DSE: variants seen among roughly 807,000 people sequenced by gnomAD.
The protein encoded by DSE is dermatan sulfate epimerase.
Under a neutral mutation model 84.4 loss-of-function variants are expected in DSE, and 36 were observed. The ratio of observed to expected loss-of-function variants is 0.43; its 90% confidence interval spans 0.33 to 0.56. The LOEUF (loss-of-function observed/expected upper bound fraction) is 0.56, where lower values mean the gene tolerates loss of function less well. Among genes scored for constraint, DSE ranks in the 20% least tolerant of loss-of-function variants. The pLI is 0.06. For missense variants in DSE, 862 were observed against 1,169.6 expected (o/e 0.74, Z 3.84); for synonymous variants, 410 against 430.1 (o/e 0.95, Z 0.58).
intron 2 of DSE, among the ~76,000 whole-genome samples, chr6:116,327,964 A>AT: frequency 6.6e-6 from 1 of 152,338 alleles, no homozygotes; most frequent in Non-Finnish European, 1.5e-5. Context: ...AGAGGAGCAC[A>AT]TCAAAGCCAA....
intron 2 of DSE, among the ~76,000 whole-genome samples, chr6:116,307,176 T>C (rs1209039495): frequency 6.6e-6 from 1 of 152,228 alleles, no homozygotes; most frequent in Non-Finnish European, 1.5e-5. Context: ...CCTAACTCAC[T>C]GCCTGACCCA....
At chr6:116,262,458 G>A (rs189471378) in intron 2 of DSE, among the ~76,000 whole-genome samples, 200 of 152,204 alleles carry the variant, frequency 1.3e-3, no homozygotes, top group African/African-American at 4.4e-3. Context: ...AGGATCAGTG[G>A]TAATATCCTC....
At chr6:116,394,106 T>C (rs1048871070) in intron 1 of DSE, among the ~76,000 whole-genome samples, 4 of 152,228 alleles carry the variant, frequency 2.6e-5, no homozygotes, top group African/African-American at 9.7e-5. Flanking sequence ...TCTAGTTCTT[T>C]CTCTGAAATT....
Position 116,304,146 on chromosome 6 carries a change from A to G in DSE, c.-54+45179A>G, listed in dbSNP as rs528793291. Among the ~76,000 whole-genome samples, 10 of 152,088 alleles carry G rather than the reference A, an allele frequency of 6.6e-5. No individual in the cohort carries two copies. The East Asian group carries it at 1.9e-3, about 29-fold the overall frequency. ...TCAAAAAAAAAAAAAAAGAAAGAAA[A>G]AAACAGAAACAGTGGGTCAGAGGAG... is the stretch of plus-strand genomic sequence containing the variant. On this transcript the variant is annotated intron_variant, in intron 2 of 3. Transcript: ENST00000430252.
At chr6:116,343,510 C>T (rs1262376426) in intron 2 of DSE, among the ~76,000 whole-genome samples, 4 of 152,222 alleles carry the variant, frequency 2.6e-5, no homozygotes, top group Non-Finnish European at 4.4e-5. Flanking sequence ...CTGCAGCATC[C>T]ACTGGTGATA....
chr6:116,428,200 T>G (rs935139969), intron 3 of DSE, among the ~76,000 whole-genome samples: 2 of 151,608 alleles, frequency 1.3e-5, no homozygotes, highest in African/African-American at 4.9e-5. Context: ...AAGAAATAAA[T>G]AAATAAAATA....
chr6:116,269,482 A>T (rs1270552647), intron 2 of DSE, among the ~76,000 whole-genome samples: 1 of 152,196 alleles, frequency 6.6e-6, no homozygotes, highest in Non-Finnish European at 1.5e-5. Context: ...ATCCATGTAA[A>T]ATAAGTGAAA....
At chr6:116,425,260 G>A (rs1013485870) in intron 2 of DSE, among the ~76,000 whole-genome samples, 2 of 151,846 alleles carry the variant, frequency 1.3e-5, no homozygotes, top group East Asian at 1.9e-4. Context: ...TATGTCTTAC[G>A]AATTTTAAAA....
At chr6:116,413,055 G>A (rs1053593531) in intron 2 of DSE, among the ~76,000 whole-genome samples, 2 of 152,108 alleles carry the variant, frequency 1.3e-5, no homozygotes, top group Admixed American at 6.6e-5. Context: ...TGCCTGCCTA[G>A]TATTCCATAA....
chr6:116,318,226 G>A (rs1388751723), intron 2 of DSE, among the ~76,000 whole-genome samples: 1 of 152,164 alleles, frequency 6.6e-6, no homozygotes, highest in Non-Finnish European at 1.5e-5. Context: ...AAAAGTAGGG[G>A]CCAGTCGTGG....
At chr6:116,307,403 G>C (rs779513574) in intron 2 of DSE, among the ~76,000 whole-genome samples, 1 of 152,202 alleles carries the variant, frequency 6.6e-6, no homozygotes, top group Non-Finnish European at 1.5e-5. Context: ...TTCAGTGATG[G>C]ATTCAGTGAC....
chr6:116,434,106 A>C (rs1269896785), intron 5 of DSE, among the ~76,000 whole-genome samples: 2 of 152,230 alleles, frequency 1.3e-5, no homozygotes, highest in African/African-American at 4.8e-5. Context: ...AGTGTTTGAC[A>C]GTATTTGACA....
chr6:116,287,342 T>C (rs1322920849), intron 2 of DSE, among the ~76,000 whole-genome samples: 1 of 152,086 alleles, frequency 6.6e-6, no homozygotes, highest in Non-Finnish European at 1.5e-5. Context: ...GCTTTTCCCT[T>C]TCCTTTCATT....
intron 1 of DSE, among the ~76,000 whole-genome samples, chr6:116,396,675 T>C (rs1202968157): frequency 6.6e-6 from 1 of 152,222 alleles, no homozygotes; most frequent in Non-Finnish European, 1.5e-5. Flanking sequence ...GATCAGCTTT[T>C]CTGGTTTAAA....
At chr6:116,254,223 T>A in exon 1 of DSE, 1 of 712,132 alleles carries the variant, frequency 1.4e-6, no homozygotes. Flanking sequence ...TGTCTTCTTG[T>A]CACAAAAAGA....
intron 1 of DSE, among the ~76,000 whole-genome samples, chr6:116,383,134 C>T (rs1481969997): frequency 6.6e-6 from 1 of 152,134 alleles, no homozygotes; most frequent in Non-Finnish European, 1.5e-5. Flanking sequence ...TTGGAAGGAT[C>T]TTAGGTGTTC....
intron 2 of DSE, among the ~76,000 whole-genome samples, chr6:116,313,891 A>G (rs1409914448): frequency 6.6e-6 from 1 of 152,238 alleles, no homozygotes; most frequent in African/African-American, 2.4e-5. Flanking sequence ...CTATGCCAAT[A>G]ATCTTGCTAA....
intron 2 of DSE, among the ~76,000 whole-genome samples, chr6:116,289,559 A>T (rs9387392): frequency 6.6e-6 from 1 of 151,792 alleles, no homozygotes; most frequent in Non-Finnish European, 1.5e-5. Flanking sequence ...AATATCAGAA[A>T]TTTCTTTTTT....
At chr6:116,431,364 A>G (rs1303115893) in intron 4 of DSE, among the ~76,000 whole-genome samples, 171 bp downstream of exon 4, 1 of 152,232 alleles carries the variant, frequency 6.6e-6, no homozygotes, top group Non-Finnish European at 1.5e-5. Context: ...ATATAGCCAG[A>G]ACATTTTGGA....
Sources: gnomAD v4.1 joint callset for allele counts (sites outside exome capture counted in the v4.1 genomes callset) on GRCh38, gnomAD v4.1.1 for gene constraint, MANE v1.5 for transcripts, NCBI Gene and HGNC (gene_info 2026-07-23, HGNC 2026-07-21) for gene names.